Variants in TSC22D1 observed in about 807,000 individuals in gnomAD.
TSC22D1 encodes TSC22 domain family protein 1.
Under a neutral mutation model 74.2 loss-of-function variants are expected in TSC22D1, and 9 were observed. The observed-to-expected ratio is 0.12, with a 90% CI of 0.07 to 0.21. The LOEUF is 0.21. TSC22D1 is among the 10% of genes least tolerant of loss of function. The probability of loss-of-function intolerance (pLI) is 1.00; values close to 1 mark genes in which losing one functional copy is unlikely to be tolerated. For missense variants in TSC22D1, 1,427 were observed against 1,304.7 expected, an observed-to-expected ratio of 1.09 and a Z score of -1.44; for synonymous variants, 586 against 492.5, an observed-to-expected ratio of 1.19 and a Z score of -2.51.
chr13:44,517,612 AGGTG>A (rs1314307571), intron 1 of TSC22D1, among the ~76,000 whole-genome samples: 1 of 150,546 alleles, frequency 6.6e-6, no homozygotes, highest in Non-Finnish European at 1.5e-5. Context: ...TGGGAGACTG[AGGTG>A]GGTGGATCAC....
chr13:44,567,586 G>C (rs1411694821), intron 1 of TSC22D1, among the ~76,000 whole-genome samples: 1 of 151,452 alleles, frequency 6.6e-6, no homozygotes, highest in Admixed American at 6.6e-5. Flanking sequence ...AAATAGAATA[G>C]TATACTATTA....
In TSC22D1 at chr13:44,575,226, A is replaced by G. The variant is rs770437128; in HGVS notation, c.849T>C (p.Ser283=). ...PVAPTSAVSS[S]GSPASVMTNM... ...TAGTCATTACAGATGCAGGTGAACC[A>G]CTGGATGATACAGCAGAAGTTGGTG... is the stretch of plus-strand genomic sequence containing the variant. Residue 283 remains serine (S), a synonymous_variant, in exon 1 of 3, where the codon AGT becomes AGC. Transcript: ENST00000458659. 1.9e-6 allele frequency: 3 copies of G among 1,614,062 alleles called. No individual in the cohort carries two copies. The East Asian group carries it at 6.7e-5, about 36-fold the overall frequency.
intron 1 of TSC22D1, among the ~76,000 whole-genome samples, chr13:44,558,309 A>G (rs1393102408): frequency 2.0e-5 from 3 of 152,256 alleles, no homozygotes; most frequent in Non-Finnish European, 2.9e-5. Flanking sequence ...TTGTAGTAAC[A>G]TATCAACCAA....
At position 44,575,454 on chromosome 13, in the gene TSC22D1, C is replaced by G. The variant is rs371261364; in HGVS notation, c.621G>C (p.Gln207His). 98 of 1,613,980 alleles carry G rather than the reference C, an allele frequency of 6.1e-5. No homozygotes were observed. Among genetic ancestry groups the G allele is most frequent in the Non-Finnish European group, 8.0e-5 (94 of 1,180,022 alleles). The change falls in exon 1 of 3, where the codon CAG becomes CAC. Residue 207 changes from glutamine (Q) to histidine (H), a missense_variant. By Grantham distance (24) the Gln-to-His change is conservative. This residue lies in a region of TSC22D1 where 1,343 missense variants were observed against 1,191.5 expected (regional missense o/e 1.13). Transcript: ENST00000458659. Reference sequence around the variant, plus strand: ...GAGCATTCCCATTGATCACAACATTCTGTTGTGGAAGGTGAGGCAAATGAG... The same window carrying G: ...GAGCATTCCCATTGATCACAACATTGTGTTGTGGAAGGTGAGGCAAATGAG... The part of the protein sequence containing the change: ...PQPHLPHLPQ[Q>H]NVVINGNAHP...
intron 1 of TSC22D1, among the ~76,000 whole-genome samples, chr13:44,438,406 A>G (rs1018147179): frequency 6.6e-6 from 1 of 152,200 alleles, no homozygotes; most frequent in African/African-American, 2.4e-5. Flanking sequence ...CCATTTAGAC[A>G]GTTTTTAAGT....
intron 1 of TSC22D1, among the ~76,000 whole-genome samples, chr13:44,524,580 CTT>C (rs371753184): frequency 2.0e-5 from 3 of 152,128 alleles, no homozygotes; most frequent in African/African-American, 4.8e-5. Flanking sequence ...GAGTTTCACT[CTT>C]GTCACCCAGG....
At position 44,575,852 on chromosome 13, in the gene TSC22D1, A is replaced by C. The variant is rs2138273291; in HGVS notation, c.223T>G (p.Ser75Ala). ...TGTGGAGGCGGAGGCTGTGGTCCCG[A>C]CGTAGAAGATGCTGCAGGGGGCGGC... ...QPPPPAASST[S>A]GPQPPPPQSL... Residue 75 changes from serine (S) to alanine (A), a missense_variant, in exon 1 of 3, where the codon TCG becomes GCG. Ser to Ala is a moderately conservative substitution (Grantham distance 99). Transcript: ENST00000458659. 1 of 1,613,980 alleles carries C rather than the reference A, an allele frequency of 6.2e-7. No homozygotes were observed. Among genetic ancestry groups the C allele is most frequent in the Non-Finnish European group, 8.5e-7 (1 of 1,179,974 alleles).
At position 44,434,208 on chromosome 13, in the gene TSC22D1, GGA is replaced by G. The variant is rs1367515667; in HGVS notation, c.*416_*417del. ...TCAAGTTCCTCCTGGGGGGAGGAGA[GGA>G]GAGAGGCGAGTCCAGTGAGGAGCTC... On this transcript the variant is annotated 3_prime_UTR_variant, in exon 3 of 3. Transcript: ENST00000458659. The G allele has an allele frequency of 1.4e-6, 2 of 1,444,284 alleles. No individual in the cohort carries two copies. The highest frequency in any genetic ancestry group is 1.8e-6 in the Non-Finnish European group (2 of 1,113,080). 89.5% of individuals were successfully genotyped at this position (1,444,284 alleles called of 1,614,324 possible).
At chr13:44,438,694 T>A (rs1403547343) in intron 1 of TSC22D1, among the ~76,000 whole-genome samples, 1 of 151,056 alleles carries the variant, frequency 6.6e-6, no homozygotes, top group Non-Finnish European at 1.5e-5. Flanking sequence ...TATGATGCTT[T>A]AAAAAAAAAG....
At chr13:44,474,556 G>A (rs184986555) in intron 1 of TSC22D1, among the ~76,000 whole-genome samples, 2 of 152,202 alleles carry the variant, frequency 1.3e-5, no homozygotes, top group East Asian at 3.9e-4. Flanking sequence ...AGATCATTTC[G>A]TCTTGATCCC....
At chr13:44,520,924 C>A (rs558047651) in intron 1 of TSC22D1, among the ~76,000 whole-genome samples, 1 of 152,228 alleles carries the variant, frequency 6.6e-6, no homozygotes, top group South Asian at 2.1e-4. Context: ...ATAGTAAATG[C>A]TTTACATATA....
At chr13:44,530,256 C>T (rs1880759941) in intron 1 of TSC22D1, among the ~76,000 whole-genome samples, 1 of 152,086 alleles carries the variant, frequency 6.6e-6, no homozygotes, top group African/African-American at 2.4e-5. Context: ...CACATATAGT[C>T]AACAGACCTT....
intron 1 of TSC22D1, among the ~76,000 whole-genome samples, chr13:44,452,023 A>AT (rs1876177858): frequency 1.3e-5 from 2 of 152,208 alleles, no homozygotes; most frequent in Non-Finnish European, 2.9e-5. Flanking sequence ...ACAGATATAG[A>AT]TGGAAACAAT....
intron 1 of TSC22D1, among the ~76,000 whole-genome samples, chr13:44,540,459 T>C (rs1881399808): frequency 6.6e-6 from 1 of 152,202 alleles, no homozygotes; most frequent in Admixed American, 6.5e-5. Flanking sequence ...TAGGCCCATA[T>C]TATAGCAATA....
chr13:44,445,158 T>C (rs1875533102), intron 1 of TSC22D1, among the ~76,000 whole-genome samples: 1 of 151,752 alleles, frequency 6.6e-6, no homozygotes, highest in African/African-American at 2.4e-5. Flanking sequence ...ATTACCACAG[T>C]GTGGTACTAG....
At chr13:44,518,736 TAGGCAA>T (rs1880169337) in intron 1 of TSC22D1, among the ~76,000 whole-genome samples, 1 of 152,178 alleles carries the variant, frequency 6.6e-6, no homozygotes, top group Non-Finnish European at 1.5e-5. Flanking sequence ...TTGTATTTAA[TAGGCAA>T]ACTGACACTG....
intron 1 of TSC22D1, among the ~76,000 whole-genome samples, chr13:44,456,222 A>T (rs1233385207): frequency 6.6e-6 from 1 of 152,200 alleles, no homozygotes; most frequent in South Asian, 2.1e-4. Flanking sequence ...GTAAAACAAC[A>T]AAGCTTCCAC....
chr13:44,479,963 T>C (rs1239229580), intron 1 of TSC22D1, among the ~76,000 whole-genome samples: 1 of 152,202 alleles, frequency 6.6e-6, no homozygotes, highest in African/African-American at 2.4e-5. Context: ...ATTTCAAAAA[T>C]AGCAGATGGA....
chr13:44,573,817 A>C lies in TSC22D1; in HGVS notation c.2258T>G (p.Val753Gly), dbSNP rs763807727. 1 of 1,614,084 alleles carries C rather than the reference A, an allele frequency of 6.2e-7. No individual in the cohort carries two copies. Among genetic ancestry groups the C allele is most frequent in the African/African-American group, 1.3e-5 (1 of 74,936 alleles). The change falls in exon 1 of 3, where the codon GTT (valine) becomes GGT (glycine). Residue 753 changes from valine to glycine, a missense_variant. Physicochemically the swap from Val to Gly is moderately radical, Grantham distance 109. Around this residue, in one of 3 missense-constraint regions of TSC22D1, gnomAD observed 1,343 missense variants for 1,191.5 expected, o/e 1.13. Coordinates refer to ENST00000458659, the MANE Select transcript of TSC22D1 (RefSeq NM_183422.4). ...QQPSTQVPPS[V>G]IQQGAPPSSQ... ...AGATGGAGGAGCACCCTGCTGAATA[A>C]CTGAAGGTGGAACCTGGGTAGAGGG...
Sources: allele counts gnomAD v4.1 joint callset (sites outside exome capture counted in the v4.1 genomes callset), GRCh38; gene constraint gnomAD v4.1.1; regional missense constraint gnomAD v4.1.1; transcripts MANE v1.5; gene names NCBI Gene and HGNC (gene_info 2026-07-23, HGNC 2026-07-21).